SHC2: variants seen among roughly 807,000 people sequenced by gnomAD.
The protein encoded by SHC2 is SHC adaptor protein 2.
Under a neutral mutation model 60.6 loss-of-function variants are expected in SHC2, and 62 were observed. The observed-to-expected ratio is 1.02, with a 90% CI of 0.83 to 1.26. The LOEUF is 1.26. SHC2 is among the 50% of genes most tolerant of loss of function. The probability of loss-of-function intolerance (pLI) is 0.00; values close to 1 mark genes in which losing one functional copy is unlikely to be tolerated. For missense variants in SHC2, 873 were observed against 822.2 expected, an observed-to-expected ratio of 1.06 and a Z score of -0.76; for synonymous variants, 375 against 372.4, an observed-to-expected ratio of 1.01 and a Z score of -0.08.
intron 11 of SHC2, 61 bp from the exon 12 acceptor site, chr19:419,117 T>C (rs1974215212): frequency 2.7e-6 from 4 of 1,501,920 alleles, no homozygotes; most frequent in Non-Finnish European, 3.6e-6. Context: ...TGGAGTAGGA[T>C]ATTGGCGTTC....
chr19:436,467 G>GC (rs1568288704), intron 5 of SHC2, 36 bp from the exon 6 acceptor site: 3 of 1,601,604 alleles, frequency 1.9e-6, no homozygotes, highest in East Asian at 2.2e-5. Flanking sequence ...ACCTGCCTGG[G>GC]CCCCCCACCG....
intron 9 of SHC2, among the ~76,000 whole-genome samples, chr19:427,028 C>G (rs980482669): frequency 1.3e-5 from 2 of 152,112 alleles, no homozygotes; most frequent in Non-Finnish European, 2.9e-5. Context: ...GGAACGCTGG[C>G]GAGCCCCCGG....
chr19:441,238 G>T lies in SHC2; in HGVS notation c.469-306C>A. On this transcript the variant is annotated intron_variant, in intron 1 of 12. Transcript: ENST00000264554. The surrounding 1 kb of genome is among the most constrained non-coding windows in gnomAD (Gnocchi z 4.9). ...GTCTTGCCCTCGTCGGTCTCTTTCTGTTCCACCAGCACCGAAGCCGAGGAG... is the reference window on the plus strand; with the variant it reads ...GTCTTGCCCTCGTCGGTCTCTTTCTTTTCCACCAGCACCGAAGCCGAGGAG... 1.1e-6 allele frequency: 1 copy of T among 889,354 alleles called. No individual in the cohort carries two copies. The allele number at this position is 889,354 out of a possible 1,614,324, so 55.1% of individuals were successfully genotyped here.
At chr19:450,367 T>G (rs1389125773) in intron 1 of SHC2, among the ~76,000 whole-genome samples, 1 of 152,210 alleles carries the variant, frequency 6.6e-6, no homozygotes, top group East Asian at 1.9e-4. Context: ...ACATAAAATT[T>G]AGAGTTTTGA....
Position 438,745 on chromosome 19 carries a change from G to T in SHC2, c.693C>A (p.Leu231=). 6.4e-7 allele frequency: 1 copy of T among 1,568,734 alleles called. No homozygotes were observed. The highest frequency in any genetic ancestry group is 2.4e-5 in the East Asian group (1 of 42,104). ...SISIHISTDG[L]SLSVPATRQV... ...GGCGCGTGGCAGGCACGGAGAGGCT[G>T]AGGCCATCAGTGGAGATGTGGATGG... is the stretch of plus-strand genomic sequence containing the variant. The change falls in exon 4 of 13, where the codon CTC becomes CTA. Residue 231 remains leucine (L), a synonymous_variant. Coordinates refer to ENST00000264554, the MANE Select transcript of SHC2 (RefSeq NM_012435.3). The surrounding 1 kb of genome is among the most constrained non-coding windows in gnomAD (Gnocchi z 5.0).
chr19:451,902 G>GT (rs1975209257), intron 1 of SHC2, among the ~76,000 whole-genome samples: 2 of 152,128 alleles, frequency 1.3e-5, no homozygotes, highest in African/African-American at 4.8e-5. Flanking sequence ...TGGCAGCATC[G>GT]TTTTTATACA....
intron 1 of SHC2, among the ~76,000 whole-genome samples, chr19:448,877 G>C (rs1975108668): frequency 6.6e-6 from 1 of 152,140 alleles, no homozygotes; most frequent in African/African-American, 2.4e-5. Flanking sequence ...GGACGGACGG[G>C]GCAAGTGGCT....
At chr19:419,122 G>A (rs921096057) in intron 11 of SHC2, 66 bp from the exon 12 acceptor site, 97 of 1,491,250 alleles carry the variant, frequency 6.5e-5, no homozygotes, top group Non-Finnish European at 8.3e-5. Flanking sequence ...TAGGATATTG[G>A]CGTTCTGGGG....
intron 12 of SHC2, among the ~76,000 whole-genome samples, chr19:418,369 T>G (rs891450489): frequency 3.9e-5 from 6 of 152,216 alleles, no homozygotes; most frequent in African/African-American, 1.4e-4. Flanking sequence ...GCTGCCACCC[T>G]CGGGCACATA....
In SHC2 at chr19:440,996, C is replaced by G; in HGVS notation, c.469-64G>C. On this transcript the variant is annotated intron_variant, in intron 1 of 12. Transcript: ENST00000264554. The surrounding 1 kb of genome is among the most constrained non-coding windows in gnomAD (Gnocchi z 7.0). Reference sequence around the variant, plus strand: ...CCCGCAGTGGAGCCACGTCCCTTTTCCCAGCAGCCCTTCGCCGCCTCCACC... The same window carrying G: ...CCCGCAGTGGAGCCACGTCCCTTTTGCCAGCAGCCCTTCGCCGCCTCCACC... 6.4e-7 allele frequency: 1 copy of G among 1,560,064 alleles called. No homozygotes were observed. The highest frequency in any genetic ancestry group is 8.8e-7 in the Non-Finnish European group (1 of 1,133,246).
chr19:450,177 G>C (rs1039826481), intron 1 of SHC2, among the ~76,000 whole-genome samples: 1 of 151,706 alleles, frequency 6.6e-6, no homozygotes, highest in Non-Finnish European at 1.5e-5. Flanking sequence ...CGCTACAGGA[G>C]GGGGGGGACT....
chr19:430,502 T>G (rs1974554776), intron 9 of SHC2, among the ~76,000 whole-genome samples, 182 bp downstream of exon 9: 1 of 152,174 alleles, frequency 6.6e-6, no homozygotes, highest in Admixed American at 6.5e-5. Context: ...AGGAATCTAG[T>G]GTGTGCAGGA....
Position 438,741 on chromosome 19 carries a change from G to A in SHC2, c.697C>T (p.Leu233Phe), listed in dbSNP as rs764506708. Reference sequence around the variant, plus strand: ...ACCTGGCGCGTGGCAGGCACGGAGAGGCTGAGGCCATCAGTGGAGATGTGG... The same window carrying A: ...ACCTGGCGCGTGGCAGGCACGGAGAAGCTGAGGCCATCAGTGGAGATGTGG... ...SIHISTDGLSLSVPATRQVIA... is the reference protein window; with the variant it reads ...SIHISTDGLSFSVPATRQVIA... The change falls in exon 4 of 13, where the codon CTC (leucine) becomes TTC (phenylalanine). Residue 233 changes from leucine to phenylalanine, a missense_variant. Transcript: ENST00000264554. This position sits in a 1 kb window ranked among gnomAD's most constrained non-coding sequence, Gnocchi z 5.0. The A allele has an allele frequency of 2.6e-6, 4 of 1,566,898 alleles. No homozygotes were observed. Among genetic ancestry groups the A allele is most frequent in the Non-Finnish European group, 2.6e-6 (3 of 1,157,160 alleles).
chr19:446,096 GA>G lies in SHC2; in HGVS notation c.469-5165del, dbSNP rs1975044087. 6.6e-6 allele frequency among the ~76,000 whole-genome samples: 1 copy of G among 151,588 alleles called. No homozygotes were observed. Among genetic ancestry groups the G allele is most frequent in the African/African-American group, 2.4e-5 (1 of 41,256 alleles). ...AAGACAAGCACAGAGGGAGATTTGA[GA>G]GACAGAGACACAGAAGGGAGGGGCC... On this transcript the variant is annotated intron_variant, in intron 1 of 12. Coordinates refer to ENST00000264554, the MANE Select transcript of SHC2 (RefSeq NM_012435.3). This position sits in a 1 kb window ranked among gnomAD's most constrained non-coding sequence, Gnocchi z 5.4.
chr19:450,206 T>C (rs999465145), intron 1 of SHC2, among the ~76,000 whole-genome samples: 2 of 152,108 alleles, frequency 1.3e-5, no homozygotes, highest in African/African-American at 4.8e-5. Flanking sequence ...CACCGAACTG[T>C]CCCCAGGGCC....
At chr19:458,236 G>A (rs1975415431) in intron 1 of SHC2, among the ~76,000 whole-genome samples, 2 of 130,712 alleles carry the variant, frequency 1.5e-5, no homozygotes, top group Admixed American at 1.5e-4. Flanking sequence ...TCCGGCGGAG[G>A]GGGAAGTGGG....
chr19:417,890 G>A (rs1378427745), intron 12 of SHC2, among the ~76,000 whole-genome samples: 11 of 152,136 alleles, frequency 7.2e-5, no homozygotes, highest in South Asian at 2.1e-4. Flanking sequence ...GAAGGAGACC[G>A]TTGTCATGGG....
intron 2 of SHC2, chr19:439,332 C>A: frequency 2.1e-6 from 1 of 471,806 alleles, no homozygotes; most frequent in Non-Finnish European, 3.8e-6. Context: ...AGCTCTGGCC[C>A]CTCTACCACC....
In SHC2 at chr19:460,729, G is replaced by A. The variant is rs868073733; in HGVS notation, c.268C>T (p.Pro90Ser). 0.023 allele frequency: 22,446 copies of A among 983,222 alleles called. 296 individuals carry two copies. Among genetic ancestry groups the A allele is most frequent in the Non-Finnish European group, 0.025 (20,577 of 830,358 alleles). The allele number at this position is 983,222 out of a possible 1,614,324, so 60.9% of individuals were successfully genotyped here. A position where few individuals can be genotyped will look rare whatever the true frequency, so the allele number is the denominator to read the frequency against. Residue 90 changes from proline (P) to serine (S), a missense_variant, in exon 1 of 13, where the codon CCC (proline) becomes TCC (serine). By Grantham distance (74) the Pro-to-Ser change is moderately conservative. Transcript: ENST00000264554. ...LGACEPRCAA[P>S]CPLPALSRCR... is the part of the protein sequence containing the mutation. ...CGGCTGAGCGCGGGCAGGGGACAGGGCGCGGCGCAGCGGGGCTCGCAGGCG... is the reference window on the plus strand; with the variant it reads ...CGGCTGAGCGCGGGCAGGGGACAGGACGCGGCGCAGCGGGGCTCGCAGGCG...
Sources: allele counts gnomAD v4.1 joint callset (sites outside exome capture counted in the v4.1 genomes callset), GRCh38; gene constraint gnomAD v4.1.1; non-coding constraint Gnocchi (gnomAD v3.1); transcripts MANE v1.5; gene names NCBI Gene and HGNC (gene_info 2026-07-23, HGNC 2026-07-21).